VWA8: variants seen among roughly 807,000 people sequenced by gnomAD.
VWA8 encodes von Willebrand factor A domain-containing protein 8.
VWA8 carries 221 observed loss-of-function variants against 241.5 expected under a neutral mutation model. The observed-to-expected ratio is 0.91, with a 90% confidence interval of 0.82 to 1.02. The LOEUF is 1.02. VWA8 is among the 50% of genes least tolerant of loss of function. VWA8 has a pLI of 0.00. For missense variants in VWA8, 2,322 were observed against 2,328.7 expected (o/e 1.00, Z 0.06); for synonymous variants, 852 against 827.1 (o/e 1.03, Z -0.52).
At chr13:41,933,418 T>G (rs979800810) in intron 2 of VWA8, among the ~76,000 whole-genome samples, 1 of 152,052 alleles carries the variant, frequency 6.6e-6, no homozygotes, top group Non-Finnish European at 1.5e-5. Flanking sequence ...CAATCCCCAT[T>G]AAAAATCCCA....
intron 37 of VWA8, among the ~76,000 whole-genome samples, chr13:41,647,344 A>T (rs2044838403): frequency 6.6e-6 from 1 of 152,224 alleles, no homozygotes; most frequent in Non-Finnish European, 1.5e-5. Flanking sequence ...TCTTCCACTT[A>T]TGCATATTAG....
intron 15 of VWA8, among the ~76,000 whole-genome samples, chr13:41,818,931 T>A (rs1029364065): frequency 5.3e-5 from 8 of 152,170 alleles, no homozygotes; most frequent in African/African-American, 1.7e-4. Flanking sequence ...AGCATCAGTA[T>A]CACCTGAGAA....
intron 21 of VWA8, among the ~76,000 whole-genome samples, chr13:41,733,319 T>G (rs1355117135): frequency 6.6e-6 from 1 of 152,210 alleles, no homozygotes; most frequent in Non-Finnish European, 1.5e-5. Context: ...ATCAGCTAAT[T>G]GCTTTGAGAG....
chr13:41,609,846 C>T (rs12585912), intron 39 of VWA8, among the ~76,000 whole-genome samples: 52,080 of 151,984 alleles, frequency 0.34, 9,279 homozygotes, highest in South Asian at 0.41. Flanking sequence ...TAGAGGTGTA[C>T]ATTTTCCTCA....
intron 17 of VWA8, among the ~76,000 whole-genome samples, chr13:41,794,401 G>A (rs570786277): frequency 2.2e-4 from 33 of 152,260 alleles, no homozygotes; most frequent in South Asian, 8.3e-4. Flanking sequence ...CAGCAATTGT[G>A]AATGGGAGTT....
In VWA8 at chr13:41,719,577, T is replaced by C. The variant is rs1234381294; in HGVS notation, c.3116+14A>G. On this transcript the variant is annotated intron_variant, in intron 26 of 44. Coordinates refer to ENST00000379310, the MANE Select transcript of VWA8 (RefSeq NM_015058.2). ...CAGCATTTAAGAATCAGAAGAGTAC[T>C]GAATTTGCCTTACTCCTTTGCCAGC... 6.2e-7 allele frequency: 1 copy of C among 1,612,470 alleles called. No individual in the cohort carries two copies. The highest frequency in any genetic ancestry group is 8.5e-7 in the Non-Finnish European group (1 of 1,179,000).
At chr13:41,742,827 T>C (rs2045578568) in intron 21 of VWA8, among the ~76,000 whole-genome samples, 1 of 152,190 alleles carries the variant, frequency 6.6e-6, no homozygotes, top group Admixed American at 6.5e-5. Flanking sequence ...TAGTTCAACA[T>C]GCATTTTTCA....
At chr13:41,883,520 G>A in intron 8 of VWA8, 29 bp from the exon 9 acceptor site, 1 of 1,519,214 alleles carries the variant, frequency 6.6e-7, no homozygotes, top group East Asian at 2.3e-5. Context: ...ACATAGGAAT[G>A]AGCAAAATTC....
chr13:41,617,680 C>T (rs960768431), intron 37 of VWA8, among the ~76,000 whole-genome samples: 10 of 151,722 alleles, frequency 6.6e-5, no homozygotes, highest in African/African-American at 2.2e-4. Flanking sequence ...TGATGTTCCT[C>T]GCCCTGTGTC....
intron 6 of VWA8, 90 bp downstream of exon 6, chr13:41,887,107 C>T: frequency 7.0e-6 from 10 of 1,436,634 alleles, no homozygotes; most frequent in Non-Finnish European, 7.5e-6. Flanking sequence ...GGAAGACATT[C>T]AAAACTGCAG....
chr13:41,616,549 C>T (rs996934739), intron 37 of VWA8, among the ~76,000 whole-genome samples: 41 of 151,492 alleles, frequency 2.7e-4, no homozygotes, highest in African/African-American at 8.0e-4. Context: ...CATTTTTCAA[C>T]TCGTTTATAA....
intron 36 of VWA8, among the ~76,000 whole-genome samples, chr13:41,673,880 G>A (rs10507494): frequency 0.034 from 5,239 of 152,018 alleles, 300 homozygotes; most frequent in African/African-American, 0.12. Context: ...TGATTCATAC[G>A]GAAAGTTAAA....
In VWA8 at chr13:41,621,425, T is replaced by C. The variant is rs368617785; in HGVS notation, c.4612-6341A>G. Among the ~76,000 whole-genome samples the C allele has an allele frequency of 5.8e-4, 88 of 152,338 alleles. No individual in the cohort carries two copies. In the East Asian group the frequency reaches 7.9e-3, roughly 14 times the overall value. Reference sequence around the variant, plus strand: ...AAGGAGCATTTGTAGTTTGCTTATATGCGTTAAGACTCTTCTGTAGGCCAA... The same window carrying C: ...AAGGAGCATTTGTAGTTTGCTTATACGCGTTAAGACTCTTCTGTAGGCCAA... On this transcript the variant is annotated intron_variant, in intron 37 of 44. Transcript: ENST00000379310.
intron 43 of VWA8, among the ~76,000 whole-genome samples, chr13:41,572,899 G>A (rs1333252235): frequency 6.6e-6 from 1 of 150,976 alleles, no homozygotes; most frequent in African/African-American, 2.4e-5. Context: ...CACAAGGTCG[G>A]GAGTTCGAGA....
chr13:41,902,966 A>C (rs1875528392), intron 4 of VWA8, among the ~76,000 whole-genome samples: 1 of 152,204 alleles, frequency 6.6e-6, no homozygotes, highest in Non-Finnish European at 1.5e-5. Context: ...TTTCACCTAT[A>C]TTGGGCCATC....
intron 17 of VWA8, 56 bp from the exon 18 acceptor site, chr13:41,787,599 T>C: frequency 2.2e-6 from 2 of 911,030 alleles, no homozygotes; most frequent in South Asian, 1.4e-5. Flanking sequence ...CTTTCTGCGA[T>C]TCTTAAATAC....
At chr13:41,866,889 T>C (rs1054019898) in intron 10 of VWA8, among the ~76,000 whole-genome samples, 1 of 152,224 alleles carries the variant, frequency 6.6e-6, no homozygotes, top group African/African-American at 2.4e-5. Flanking sequence ...ATCTTTTACA[T>C]CTACTTCTCA....
intron 12 of VWA8, among the ~76,000 whole-genome samples, chr13:41,847,143 AG>A (rs1168583805): frequency 6.6e-6 from 1 of 152,160 alleles, no homozygotes; most frequent in African/African-American, 2.4e-5. Flanking sequence ...TCACTGTTTC[AG>A]GTGCTGAGAA....
At chr13:41,597,033 ATTTG>A (rs1001830595) in intron 40 of VWA8, among the ~76,000 whole-genome samples, 2 of 152,080 alleles carry the variant, frequency 1.3e-5, no homozygotes, top group Non-Finnish European at 2.9e-5. Context: ...GTCCTTCAGA[ATTTG>A]TTTAATGAAG....
Sources: allele counts gnomAD v4.1 joint callset (sites outside exome capture counted in the v4.1 genomes callset), GRCh38; gene constraint gnomAD v4.1.1; transcripts MANE v1.5; gene names NCBI Gene and HGNC (gene_info 2026-07-23, HGNC 2026-07-21).